Variants in TRPS1 observed in about 807,000 individuals in gnomAD.
TRPS1 encodes transcriptional repressor GATA binding 1.
In TRPS1, 6 loss-of-function variants were observed where a neutral mutation model predicts 101.2. That is an observed-to-expected ratio of 0.06 (90% CI 0.03 to 0.12). The LOEUF is 0.12. TRPS1 is among the 10% of genes least tolerant of loss of function. The pLI is 1.00. For missense variants in TRPS1, 1,363 were observed against 1,567.0 expected, an observed-to-expected ratio of 0.87 and a Z score of 2.20; for synonymous variants, 578 against 589.8, an observed-to-expected ratio of 0.98 and a Z score of 0.29.
intron 5 of TRPS1, among the ~76,000 whole-genome samples, chr8:115,535,327 C>CAT (rs1321574730): frequency 1.4e-5 from 2 of 143,390 alleles, no homozygotes; most frequent in East Asian, 2.0e-4. Flanking sequence ...ATATATAGAG[C>CAT]ATATATAGCG....
rs1222143718 is a variant in TRPS1, at chr8:115,634,011, AAACAAC to A, written c.-121-10259_-121-10254del. Among the ~76,000 whole-genome samples, 3 of 139,600 alleles carry A rather than the reference AAACAAC, an allele frequency of 2.1e-5. No homozygotes were observed. In the South Asian group the frequency reaches 6.3e-4, roughly 29 times the overall value. The allele number at this position is 139,600 out of a possible 152,430, so 91.6% of individuals were successfully genotyped here. ...ATGTGTACTAGCAACTAACCAAAAC[AAACAAC>A]AACAACAAAAAAAAAGGCAGCCCAC... On this transcript the variant is annotated intron_variant, in intron 1 of 6. Transcript: ENST00000395715.
chr8:115,510,127 C>T (rs993405281), intron 5 of TRPS1, among the ~76,000 whole-genome samples: 1 of 151,938 alleles, frequency 6.6e-6, no homozygotes, highest in African/African-American at 2.4e-5. Context: ...CTCTGTGCAT[C>T]CTCCTCCAGC....
intron 5 of TRPS1, among the ~76,000 whole-genome samples, chr8:115,575,927 C>A (rs1351841229): frequency 6.6e-6 from 1 of 151,924 alleles, no homozygotes; most frequent in Non-Finnish European, 1.5e-5. Context: ...AAATTTGCAC[C>A]CCACCTACTA....
intron 5 of TRPS1, among the ~76,000 whole-genome samples, chr8:115,488,550 C>T (rs1814943849): frequency 6.6e-6 from 1 of 152,130 alleles, no homozygotes; most frequent in Non-Finnish European, 1.5e-5. Flanking sequence ...TGATGTACGC[C>T]TGTAGTCCCA....
chr8:115,615,376 C>CAAACACCCAATGTAAA (rs532514397), intron 3 of TRPS1, among the ~76,000 whole-genome samples: 8 of 152,170 alleles, frequency 5.3e-5, no homozygotes, highest in African/African-American at 1.9e-4. Context: ...ACACCCAATG[C>CAAACACCCAATGTAAA]ACAGCGCATT....
chr8:115,448,487 A>T (rs1813791366), intron 5 of TRPS1, among the ~76,000 whole-genome samples: 2 of 152,108 alleles, frequency 1.3e-5, no homozygotes, highest in African/African-American at 4.8e-5. Flanking sequence ...AATGGACAAC[A>T]TATGGAAAAG....
At chr8:115,492,499 G>A (rs1296284455) in intron 5 of TRPS1, among the ~76,000 whole-genome samples, 2 of 148,130 alleles carry the variant, frequency 1.4e-5, no homozygotes, top group Non-Finnish European at 3.0e-5. Flanking sequence ...GTGCGTGTTC[G>A]TGTGTGTGTG....
chr8:115,576,738 C>G (rs565114857), intron 5 of TRPS1, among the ~76,000 whole-genome samples: 1 of 152,250 alleles, frequency 6.6e-6, no homozygotes, highest in South Asian at 2.1e-4. Flanking sequence ...ACCTCCAAAC[C>G]CAGCTGGAAC....
At chr8:115,623,884 A>G in intron 1 of TRPS1, 126 bp from the exon 2 acceptor site, 1 of 844,836 alleles carries the variant, frequency 1.2e-6, no homozygotes, top group African/African-American at 1.7e-5. Context: ...AAGCATGAGC[A>G]AATCTGGAGC....
intron 1 of TRPS1, among the ~76,000 whole-genome samples, chr8:115,661,395 C>T (rs1038801273): frequency 2.6e-5 from 4 of 151,850 alleles, no homozygotes; most frequent in African/African-American, 7.3e-5. Context: ...ACATACATTC[C>T]ACATATAAAA....
chr8:115,551,309 T>A (rs1478741337), intron 5 of TRPS1, among the ~76,000 whole-genome samples: 3 of 152,232 alleles, frequency 2.0e-5, no homozygotes, highest in Admixed American at 2.0e-4. Flanking sequence ...GCTTTAGGAT[T>A]GAGTTTCTGT....
At chr8:115,557,767 G>A (rs1816856882) in intron 5 of TRPS1, among the ~76,000 whole-genome samples, 1 of 152,130 alleles carries the variant, frequency 6.6e-6, no homozygotes, top group South Asian at 2.1e-4. Flanking sequence ...CATTTTCACT[G>A]GATCCAAGAA....
intron 5 of TRPS1, among the ~76,000 whole-genome samples, chr8:115,457,749 G>A (rs1313458000): frequency 2.6e-5 from 4 of 152,188 alleles, no homozygotes; most frequent in East Asian, 1.9e-4. Flanking sequence ...ATTTACAAAG[G>A]TGGAAATGGT....
chr8:115,508,438 G>A (rs1031605506), intron 5 of TRPS1, among the ~76,000 whole-genome samples: 1 of 152,058 alleles, frequency 6.6e-6, no homozygotes, highest in Non-Finnish European at 1.5e-5. Context: ...CTCAGCCGAG[G>A]AAACGAATGT....
chr8:115,498,471 C>A (rs1046230760), intron 5 of TRPS1, among the ~76,000 whole-genome samples: 40 of 127,538 alleles, frequency 3.1e-4, no homozygotes, highest in African/African-American at 1.1e-3. Flanking sequence ...GTGGCTTCAA[C>A]TATAGGAATA....
chr8:115,468,160 T>A (rs1221061101), intron 5 of TRPS1, among the ~76,000 whole-genome samples: 1 of 152,234 alleles, frequency 6.6e-6, no homozygotes, highest in Non-Finnish European at 1.5e-5. Flanking sequence ...ATATATTTTT[T>A]AATTCATATT....
intron 5 of TRPS1, among the ~76,000 whole-genome samples, chr8:115,468,621 C>T (rs536279592): frequency 2.4e-4 from 37 of 152,248 alleles, no homozygotes; most frequent in African/African-American, 8.4e-4. Flanking sequence ...AAGTTTTATA[C>T]TCCTCAATGG....
At chr8:115,648,826 A>G (rs1187900880) in intron 1 of TRPS1, among the ~76,000 whole-genome samples, 1 of 151,990 alleles carries the variant, frequency 6.6e-6, no homozygotes, top group Non-Finnish European at 1.5e-5. Context: ...TTTAAGTCTA[A>G]CCCAAACCAC....
chr8:115,571,662 C>T (rs575513571), intron 5 of TRPS1, among the ~76,000 whole-genome samples: 109 of 152,092 alleles, frequency 7.2e-4, no homozygotes, highest in African/African-American at 2.5e-3. Flanking sequence ...CTCTTTTTTC[C>T]TCAATTATAA....
Sources: gnomAD v4.1 joint callset for allele counts (sites outside exome capture counted in the v4.1 genomes callset) on GRCh38, gnomAD v4.1.1 for gene constraint, MANE v1.5 for transcripts, NCBI Gene and HGNC (gene_info 2026-07-23, HGNC 2026-07-21) for gene names.